EBF2: variants seen among roughly 807,000 people sequenced by gnomAD.
The protein encoded by EBF2 is transcription factor COE2.
EBF2 carries 21 observed loss-of-function variants against 72.8 expected under a neutral mutation model. That is an observed-to-expected ratio of 0.29 (90% CI 0.20 to 0.42). The LOEUF (loss-of-function observed/expected upper bound fraction) is 0.42, where lower values mean the gene tolerates loss of function less well. EBF2 is among the 10% of genes least tolerant of loss of function. The pLI is 1.00. For synonymous variants in EBF2, 299 were observed against 274.2 expected, an observed-to-expected ratio of 1.09 and a Z score of -0.89; for missense variants, 637 against 731.2, an observed-to-expected ratio of 0.87 and a Z score of 1.49.
At chr8:25,933,156 C>T (rs1353346108) in intron 6 of EBF2, among the ~76,000 whole-genome samples, 1 of 152,122 alleles carries the variant, frequency 6.6e-6, no homozygotes, top group African/African-American at 2.4e-5. Context: ...GGCCTGGATT[C>T]TATTTCCAGT....
chr8:25,873,094 A>G (rs1802468263), intron 10 of EBF2, among the ~76,000 whole-genome samples: 1 of 152,036 alleles, frequency 6.6e-6, no homozygotes, highest in Non-Finnish European at 1.5e-5. Flanking sequence ...CCTATTCCTC[A>G]TGTGTCCAAC....
At chr8:25,855,380 A>C (rs1320034178) in intron 14 of EBF2, among the ~76,000 whole-genome samples, 1 of 152,180 alleles carries the variant, frequency 6.6e-6, no homozygotes, top group Non-Finnish European at 1.5e-5. Context: ...CAGGAAGTGA[A>C]GTTTGTATGT....
intron 10 of EBF2, among the ~76,000 whole-genome samples, chr8:25,883,834 A>C (rs1802643130): frequency 6.6e-6 from 1 of 152,094 alleles, no homozygotes; most frequent in South Asian, 2.1e-4. Context: ...GAAGCTCTAC[A>C]TGTAAACAGT....
chr8:25,906,988 C>T (rs891113529), intron 7 of EBF2, among the ~76,000 whole-genome samples: 2 of 151,944 alleles, frequency 1.3e-5, no homozygotes, highest in Admixed American at 1.3e-4. Flanking sequence ...TGTGTATGGC[C>T]ATCTTCCTGT....
At chr8:26,009,905 C>A (rs1297374266) in intron 6 of EBF2, among the ~76,000 whole-genome samples, 2 of 152,146 alleles carry the variant, frequency 1.3e-5, no homozygotes, top group African/African-American at 4.8e-5. Context: ...GGAGAGAAGC[C>A]AGGACATGGA....
chr8:25,947,808 T>C (rs1191290198), intron 6 of EBF2, among the ~76,000 whole-genome samples: 3 of 152,208 alleles, frequency 2.0e-5, no homozygotes, highest in African/African-American at 7.2e-5. Flanking sequence ...CATCAACCAC[T>C]CTGGAAAATT....
intron 6 of EBF2, among the ~76,000 whole-genome samples, chr8:25,994,878 G>T (rs1223885159): frequency 1.3e-5 from 2 of 151,942 alleles, no homozygotes; most frequent in Non-Finnish European, 2.9e-5. Context: ...CCAGCAATAT[G>T]CAATTTACCC....
chr8:25,922,585 G>A (rs1176503063), intron 6 of EBF2, among the ~76,000 whole-genome samples: 1 of 152,178 alleles, frequency 6.6e-6, no homozygotes, highest in Non-Finnish European at 1.5e-5. Context: ...TCATTATTAA[G>A]TCAACACACT....
intron 6 of EBF2, among the ~76,000 whole-genome samples, chr8:25,994,706 A>G (rs1424798210): frequency 6.6e-6 from 1 of 152,248 alleles, no homozygotes; most frequent in Non-Finnish European, 1.5e-5. Context: ...CAAATGCTGC[A>G]TGTTCTCACT....
intron 6 of EBF2, among the ~76,000 whole-genome samples, chr8:25,916,000 C>T (rs1419828285): frequency 1.3e-5 from 2 of 151,956 alleles, no homozygotes; most frequent in African/African-American, 2.4e-5. Flanking sequence ...AATTAAAGAC[C>T]TTATGGCCAG....
intron 6 of EBF2, among the ~76,000 whole-genome samples, chr8:26,012,306 C>T (rs562552734): frequency 3.8e-4 from 58 of 152,166 alleles, no homozygotes; most frequent in African/African-American, 1.3e-3. Flanking sequence ...ATCATACTAG[C>T]ATAGGGAACA....
At chr8:25,845,227 C>A (rs1801808519) in intron 15 of EBF2, among the ~76,000 whole-genome samples, 1 of 152,064 alleles carries the variant, frequency 6.6e-6, no homozygotes, top group Non-Finnish European at 1.5e-5. Flanking sequence ...TTCATTTAGT[C>A]CCTCAGTTCC....
chr8:25,941,459 G>A (rs1369868332), intron 6 of EBF2, among the ~76,000 whole-genome samples: 1 of 152,064 alleles, frequency 6.6e-6, no homozygotes, highest in Non-Finnish European at 1.5e-5. Flanking sequence ...GCCCACCTCG[G>A]CCTCCCAAAG....
chr8:25,871,826 G>GC (rs1315284263), intron 10 of EBF2, among the ~76,000 whole-genome samples: 3 of 151,894 alleles, frequency 2.0e-5, no homozygotes, highest in African/African-American at 7.3e-5. Flanking sequence ...CATTTTGATT[G>GC]CGGGTATAAT....
intron 10 of EBF2, among the ~76,000 whole-genome samples, chr8:25,866,975 A>T (rs142406489): frequency 6.6e-6 from 1 of 152,152 alleles, no homozygotes; most frequent in Admixed American, 6.6e-5. Context: ...ACATTAATTC[A>T]TGGAAGTAAT....
chr8:25,918,742 G>A (rs991158348), intron 6 of EBF2, among the ~76,000 whole-genome samples: 6 of 152,100 alleles, frequency 3.9e-5, no homozygotes, highest in Non-Finnish European at 7.4e-5. Context: ...CATATTTGAA[G>A]CCAACATTCA....
chr8:25,936,261 A>G (rs746940291), intron 6 of EBF2, among the ~76,000 whole-genome samples: 1 of 152,192 alleles, frequency 6.6e-6, no homozygotes, highest in African/African-American at 2.4e-5. Flanking sequence ...TGGCTCCTCT[A>G]TTGAGCTTTC....
At chr8:26,002,450 T>A (rs1052601754) in intron 6 of EBF2, among the ~76,000 whole-genome samples, 3 of 152,234 alleles carry the variant, frequency 2.0e-5, no homozygotes, top group African/African-American at 7.2e-5. Context: ...CCCAGACATG[T>A]GCTGTGCATT....
intron 10 of EBF2, among the ~76,000 whole-genome samples, chr8:25,884,973 C>T (rs1292680362): frequency 6.6e-6 from 1 of 152,004 alleles, no homozygotes; most frequent in Non-Finnish European, 1.5e-5. Context: ...TTATAATATG[C>T]CTGCTATATT....
Sources: gnomAD v4.1 joint callset for allele counts (sites outside exome capture counted in the v4.1 genomes callset) on GRCh38, gnomAD v4.1.1 for gene constraint, MANE v1.5 for transcripts, NCBI Gene and HGNC (gene_info 2026-07-23, HGNC 2026-07-21) for gene names.